Variants in EML6 observed in about 807,000 individuals in gnomAD.
EML6 encodes the protein EMAP like 6, also known as echinoderm microtubule-associated protein-like 6.
Under a neutral mutation model 240.1 loss-of-function variants are expected in EML6, and 154 were observed. That is an observed-to-expected ratio of 0.64 (90% CI 0.56 to 0.73). The LOEUF is 0.73. Ranked by LOEUF, EML6 falls within the 30% of genes least tolerant of loss-of-function variation. The pLI, the probability that EML6 is intolerant of heterozygous loss-of-function variation, is 0.00. For missense variants in EML6, 2,964 were observed against 2,474.6 expected, an observed-to-expected ratio of 1.20 and a Z score of -4.20; for synonymous variants, 1,148 against 899.0, an observed-to-expected ratio of 1.28 and a Z score of -4.95.
intron 2 of EML6, among the ~76,000 whole-genome samples, chr2:54,792,402 T>C (rs113593022): frequency 4.6e-5 from 7 of 152,230 alleles, no homozygotes; most frequent in Non-Finnish European, 7.3e-5. Flanking sequence ...AAGCTAACTT[T>C]TGATTTGGGG....
At chr2:54,880,405 T>A (rs1330795292) in intron 17 of EML6, 1 of 152,222 alleles carries the variant, frequency 6.6e-6, no homozygotes, top group East Asian at 1.9e-4. Context: ...TAAAATCATT[T>A]TGAAGTTAAT....
chr2:54,843,738 G>T (rs1669589169), intron 7 of EML6, among the ~76,000 whole-genome samples: 1 of 151,824 alleles, frequency 6.6e-6, no homozygotes, highest in Non-Finnish European at 1.5e-5. Context: ...AGCTACTTGG[G>T]AGGCTGAGGC....
chr2:54,932,899 T>A (rs1462677742), intron 28 of EML6, among the ~76,000 whole-genome samples: 1 of 152,128 alleles, frequency 6.6e-6, no homozygotes, highest in South Asian at 2.1e-4. Flanking sequence ...ATTTATAACA[T>A]AGGGGCTTTC....
chr2:54,788,814 T>C (rs1669236857), intron 2 of EML6, among the ~76,000 whole-genome samples: 1 of 152,300 alleles, frequency 6.6e-6, no homozygotes, highest in South Asian at 2.1e-4. Context: ...TCTCCTGAAG[T>C]TTTTATTGAC....
chr2:54,918,117 C>G (rs1476840868), intron 26 of EML6, among the ~76,000 whole-genome samples: 1 of 152,200 alleles, frequency 6.6e-6, no homozygotes, highest in Non-Finnish European at 1.5e-5. Flanking sequence ...GAGTACAGAA[C>G]TTTACATTTA....
chr2:54,775,889 G>T (rs1668574997), intron 2 of EML6, among the ~76,000 whole-genome samples: 2 of 152,114 alleles, frequency 1.3e-5, no homozygotes, highest in South Asian at 4.1e-4. Flanking sequence ...TACCCATAGG[G>T]TTTCTAATAT....
chr2:54,963,535 T>C (rs1676618647), intron 36 of EML6, among the ~76,000 whole-genome samples: 1 of 151,574 alleles, frequency 6.6e-6, no homozygotes, highest in Non-Finnish European at 1.5e-5. Context: ...GATTCAGAAT[T>C]TGAACTAGCA....
intron 7 of EML6, among the ~76,000 whole-genome samples, chr2:54,833,655 G>A (rs1668988066): frequency 6.6e-6 from 1 of 152,202 alleles, no homozygotes; most frequent in Non-Finnish European, 1.5e-5. Context: ...TCACTCACAT[G>A]ATGAGGAGGG....
intron 2 of EML6, among the ~76,000 whole-genome samples, chr2:54,797,177 A>AAAAAAAAC (rs1553380377): frequency 2.3e-5 from 3 of 132,688 alleles, no homozygotes; most frequent in African/African-American, 2.9e-5. Flanking sequence ...AAAAAAAAAA[A>AAAAAAAAC]AAAAAAAAAA....
rs76615923 is a variant in EML6 at position 54,885,216 on chromosome 2, G to T, written c.2438+5576G>T. 2.6e-5 allele frequency among the ~76,000 whole-genome samples: 4 copies of T among 151,892 alleles called. No individual in the cohort carries two copies. In the East Asian group the frequency reaches 7.8e-4, roughly 29 times the overall value. ...TCCCAGCACTTTGGGAGGTTGAGGC[G>T]GGCGGATCACCTCAGGTCAGGAGTT... On this transcript the variant is annotated intron_variant, in intron 17 of 41. Transcript: ENST00000356458.
intron 2 of EML6, among the ~76,000 whole-genome samples, chr2:54,757,267 C>G (rs1393945432): frequency 6.6e-6 from 1 of 152,116 alleles, no homozygotes; most frequent in Non-Finnish European, 1.5e-5. Flanking sequence ...CTTTGGCTCT[C>G]TTTGTATTTA....
At chr2:54,870,122 C>G (rs539687940) in intron 15 of EML6, among the ~76,000 whole-genome samples, 8 of 152,168 alleles carry the variant, frequency 5.3e-5, no homozygotes, top group Non-Finnish European at 1.2e-4. Flanking sequence ...GTGGCAAATT[C>G]TAAGAAAACA....
Position 54,844,111 on chromosome 2 carries a change from G to A in EML6, c.912G>A (p.Glu304=), listed in dbSNP as rs1322232445. 3.2e-6 allele frequency: 5 copies of A among 1,551,658 alleles called. No individual in the cohort carries two copies. The Admixed American group carries it at 5.9e-5, about 18-fold the overall frequency. ...DRLLAGTQDS[E]IFEVIVRERD... Reference sequence around the variant, plus strand: ...TTCTAGCAGGGACCCAGGACAGTGAGATATTTGAAGTGATTGTGCGAGAGC... The same window carrying A: ...TTCTAGCAGGGACCCAGGACAGTGAAATATTTGAAGTGATTGTGCGAGAGC... Residue 304 remains glutamate, a synonymous_variant, in exon 8 of 42, where the codon GAG becomes GAA. Transcript: ENST00000356458.
chr2:54,848,224 T>A (rs917157139), intron 9 of EML6, among the ~76,000 whole-genome samples: 2 of 152,208 alleles, frequency 1.3e-5, no homozygotes, highest in Non-Finnish European at 2.9e-5. Context: ...TGAAAAAAAT[T>A]ATGACCCACT....
chr2:54,895,514 C>G, intron 21 of EML6, 114 bp downstream of exon 21: 4 of 1,043,530 alleles, frequency 3.8e-6, no homozygotes, highest in South Asian at 1.6e-5. Context: ...CAGGGTTGCA[C>G]AAGAGTTGAA....
chr2:54,755,713 T>C (rs1432381296), intron 2 of EML6, among the ~76,000 whole-genome samples: 1 of 152,132 alleles, frequency 6.6e-6, no homozygotes, highest in Non-Finnish European at 1.5e-5. Flanking sequence ...CAGACTGGAG[T>C]GCAGTGGTGT....
chr2:54,736,810 G>T (rs560092018), intron 2 of EML6, among the ~76,000 whole-genome samples: 1 of 152,290 alleles, frequency 6.6e-6, no homozygotes, highest in South Asian at 2.1e-4. Flanking sequence ...ACATACAGGG[G>T]CCGGTCAGTG....
chr2:54,883,987 C>A (rs572668930), intron 17 of EML6, among the ~76,000 whole-genome samples: 7 of 152,298 alleles, frequency 4.6e-5, no homozygotes, highest in Admixed American at 1.3e-4. Flanking sequence ...CAACAATCTG[C>A]ACAGAGACTT....
At chr2:54,783,816 A>G (rs910227597) in intron 2 of EML6, among the ~76,000 whole-genome samples, 3 of 152,206 alleles carry the variant, frequency 2.0e-5, no homozygotes, top group Non-Finnish European at 4.4e-5. Context: ...TCATTGATAT[A>G]CTTGTAATGA....
Sources: allele counts gnomAD v4.1 joint callset (sites outside exome capture counted in the v4.1 genomes callset), GRCh38; gene constraint gnomAD v4.1.1; transcripts MANE v1.5; gene names NCBI Gene and HGNC (gene_info 2026-07-23, HGNC 2026-07-21).